The following SEMA3E variants were observed in gnomAD, a reference collection of about 807,000 sequenced individuals.
SEMA3E encodes semaphorin-3E.
SEMA3E carries 49 observed loss-of-function variants against 93.6 expected under a neutral mutation model. The ratio of observed to expected loss-of-function variants is 0.52; its 90% CI spans 0.42 to 0.66. The LOEUF is 0.66. Among genes scored for constraint, SEMA3E ranks in the 30% least tolerant of loss-of-function variants. The pLI is 0.00. For synonymous variants in SEMA3E, 363 were observed against 330.7 expected (o/e 1.10, Z -1.06); for missense variants, 906 against 964.8 (o/e 0.94, Z 0.81).
rs867317303 is a variant in SEMA3E, at chr7:83,648,517, G to C, written c.26C>G (p.Thr9Ser). 2.5e-6 allele frequency: 4 copies of C among 1,613,484 alleles called. No individual in the cohort carries two copies. The Middle Eastern group carries it at 4.9e-4, about 200-fold the overall frequency. The change falls in exon 1 of 17, where the codon ACC becomes AGC. Residue 9 changes from threonine to serine, a missense_variant. Transcript: ENST00000643230. MASAGHII[T>S]LLLWGYLLEL... ...CAGTAAGTAACCCCACAGGAGCAAG[G>C]TGATAATGTGCCCCGCGGATGCCAT...
chr7:83,403,111 A>C (rs573314859), intron 9 of SEMA3E, among the ~76,000 whole-genome samples: 1 of 152,050 alleles, frequency 6.6e-6, no homozygotes, highest in Non-Finnish European at 1.5e-5. Context: ...CTTATTCCCA[A>C]GTTGAATTAC....
chr7:83,398,095 C>A (rs1489643063), intron 11 of SEMA3E, among the ~76,000 whole-genome samples: 1 of 152,104 alleles, frequency 6.6e-6, no homozygotes, highest in Non-Finnish European at 1.5e-5. Flanking sequence ...GTACCCATTT[C>A]ATTCATTAAA....
chr7:83,440,930 T>G lies in SEMA3E; in HGVS notation c.457-22447A>C, dbSNP rs1789101533. ...GGAGAGAAGAGACTGAGAAGTTATA[T>G]TAGAGCCAGACTCTGAAGGACACTA... On this transcript the variant is annotated intron_variant, in intron 4 of 16. Coordinates refer to ENST00000643230, the MANE Select transcript of SEMA3E (RefSeq NM_012431.3). Among the ~76,000 whole-genome samples the G allele has an allele frequency of 2.0e-5, 3 of 152,154 alleles. No individual in the cohort carries two copies. In the South Asian group the frequency reaches 6.2e-4, roughly 32 times the overall value.
chr7:83,475,026 T>A (rs1789981065), intron 2 of SEMA3E, among the ~76,000 whole-genome samples: 1 of 151,146 alleles, frequency 6.6e-6, no homozygotes, highest in African/African-American at 2.4e-5. Context: ...TACAAATTCA[T>A]TTAGGATCAT....
At chr7:83,481,669 G>A (rs990797928) in intron 2 of SEMA3E, among the ~76,000 whole-genome samples, 2 of 152,096 alleles carry the variant, frequency 1.3e-5, no homozygotes, top group Non-Finnish European at 2.9e-5. Context: ...TGTTATATAC[G>A]TGCAACAGAG....
chr7:83,561,118 AG>A lies in SEMA3E; in HGVS notation c.116-70845del, dbSNP rs373459923. Among the ~76,000 whole-genome samples, 519 of 152,166 alleles carry A rather than the reference AG, an allele frequency of 3.4e-3. 3 individuals carry two copies. Among genetic ancestry groups the A allele is most frequent in the African/African-American group, 0.012 (499 of 41,538 alleles). ...TTCTAACAGGATTTAAAAAACCAAC[AG>A]GTTTTCAGGAATTTGTATTTATCAA... is the stretch of plus-strand genomic sequence containing the variant. On this transcript the variant is annotated intron_variant, in intron 1 of 16. Coordinates refer to ENST00000643230, the MANE Select transcript of SEMA3E (RefSeq NM_012431.3).
chr7:83,592,187 TA>T (rs1373101767), intron 1 of SEMA3E, among the ~76,000 whole-genome samples: 1 of 152,140 alleles, frequency 6.6e-6, no homozygotes, highest in Admixed American at 6.6e-5. Flanking sequence ...AAATGTTATT[TA>T]CATATAAAAT....
intron 1 of SEMA3E, among the ~76,000 whole-genome samples, chr7:83,624,501 G>T (rs140888557): frequency 2.6e-5 from 4 of 152,030 alleles, no homozygotes; most frequent in Non-Finnish European, 5.9e-5. Flanking sequence ...TCCTATGTTT[G>T]TTGGCCACTT....
At chr7:83,392,368 A>T (rs1788035352) in intron 14 of SEMA3E, among the ~76,000 whole-genome samples, 187 bp downstream of exon 14, 2 of 152,046 alleles carry the variant, frequency 1.3e-5, no homozygotes, top group African/African-American at 4.8e-5. Context: ...CAAAAGTTTC[A>T]AAAGAGGGAA....
chr7:83,391,028 G>T (rs1431678208), intron 14 of SEMA3E, among the ~76,000 whole-genome samples: 1 of 152,098 alleles, frequency 6.6e-6, no homozygotes, highest in East Asian at 1.9e-4. Context: ...TTGTTGCTAT[G>T]ACAATAAAAT....
chr7:83,366,045 T>C lies in SEMA3E; in HGVS notation c.*1541A>G, dbSNP rs1441209796. 6.6e-6 allele frequency: 1 copy of C among 152,162 alleles called. No homozygotes were observed. Among genetic ancestry groups the C allele is most frequent in the African/African-American group, 2.4e-5 (1 of 41,460 alleles). The allele number at this position is 152,162 out of a possible 1,614,324, so 9.4% of individuals were successfully genotyped here. ...AGATCTTTTGAAGCATGGTGACTTA[T>C]CTGAATAAACTTAAATTTTTCTTAA... On this transcript the variant is annotated 3_prime_UTR_variant, in exon 17 of 17. Transcript: ENST00000643230.
intron 1 of SEMA3E, among the ~76,000 whole-genome samples, chr7:83,598,284 T>C (rs1234606464): frequency 1.3e-5 from 2 of 152,168 alleles, no homozygotes; most frequent in Non-Finnish European, 2.9e-5. Flanking sequence ...ATTATTCTAG[T>C]ATTTCTCTGC....
chr7:83,531,114 A>G (rs1791285499), intron 1 of SEMA3E, among the ~76,000 whole-genome samples: 1 of 152,004 alleles, frequency 6.6e-6, no homozygotes, highest in Non-Finnish European at 1.5e-5. Flanking sequence ...ACACATTATC[A>G]ATAAAACATA....
At chr7:83,578,823 T>G (rs1037066004) in intron 1 of SEMA3E, among the ~76,000 whole-genome samples, 5 of 152,092 alleles carry the variant, frequency 3.3e-5, no homozygotes, top group Admixed American at 6.6e-5. Flanking sequence ...AAAATAGAAA[T>G]GATTATGCCT....
At chr7:83,369,550 G>A (rs1794723233) in intron 16 of SEMA3E, among the ~76,000 whole-genome samples, 2 of 152,118 alleles carry the variant, frequency 1.3e-5, no homozygotes. Context: ...TAATAAAAGA[G>A]TCTCCATAAG....
intron 5 of SEMA3E, among the ~76,000 whole-genome samples, chr7:83,412,768 A>G (rs116184509): frequency 2.4e-4 from 25 of 104,348 alleles, no homozygotes; most frequent in Admixed American, 4.4e-4. Flanking sequence ...AGATAAAAAA[A>G]AAAAAAAAAA....
chr7:83,510,217 G>C (rs1011500275), intron 1 of SEMA3E, among the ~76,000 whole-genome samples: 1 of 152,090 alleles, frequency 6.6e-6, no homozygotes, highest in Non-Finnish European at 1.5e-5. Context: ...AATTAAGCAA[G>C]TGTTTATTTT....
In SEMA3E at chr7:83,392,822, T is replaced by A. The variant is rs1445349249; in HGVS notation, c.1501-101A>T. 11 of 1,130,832 alleles carry A rather than the reference T, an allele frequency of 9.7e-6. No individual in the cohort carries two copies. The East Asian group carries it at 1.5e-4, about 15-fold the overall frequency. 70.0% of individuals were successfully genotyped at this position (1,130,832 alleles called of 1,614,324 possible). A position where few individuals can be genotyped will look rare whatever the true frequency, so the allele number is the denominator to read the frequency against. On this transcript the variant is annotated intron_variant, in intron 13 of 16. Coordinates refer to ENST00000643230, the MANE Select transcript of SEMA3E (RefSeq NM_012431.3). ...TTATACACAATCACCTCAGAAAAAA[T>A]TCACTTAAATTTAATTCACTTAAAT...
chr7:83,393,627 A>ATATC (rs937220747), intron 13 of SEMA3E, among the ~76,000 whole-genome samples: 11 of 152,194 alleles, frequency 7.2e-5, no homozygotes, highest in Non-Finnish European at 1.3e-4. Context: ...AGTGATGTGT[A>ATATC]TATCTATCTA....
Sources: gnomAD v4.1 joint callset for allele counts (sites outside exome capture counted in the v4.1 genomes callset) on GRCh38, gnomAD v4.1.1 for gene constraint, MANE v1.5 for transcripts, NCBI Gene and HGNC (gene_info 2026-07-23, HGNC 2026-07-21) for gene names.